Variants in KCTD7 observed in about 807,000 individuals in gnomAD.
KCTD7 encodes BTB/POZ domain-containing protein KCTD7.
Under a neutral mutation model 27.0 loss-of-function variants are expected in KCTD7, and 15 were observed. That is an observed-to-expected ratio of 0.56 (90% CI 0.37 to 0.86). The LOEUF (loss-of-function observed/expected upper bound fraction) is 0.86, where lower values mean the gene tolerates loss of function less well. Among genes scored for constraint, KCTD7 ranks in the 40% least tolerant of loss-of-function variants. The pLI is 0.00. For missense variants in KCTD7, 299 were observed against 398.9 expected, an observed-to-expected ratio of 0.75 and a Z score of 2.13; for synonymous variants, 159 against 162.7, an observed-to-expected ratio of 0.98 and a Z score of 0.17.
chr7:66,642,572 C>T lies in KCTD7; in HGVS notation c.*3340C>T. The T allele has an allele frequency of 1.0e-6, 1 of 985,402 alleles. No individual in the cohort carries two copies. Among genetic ancestry groups the T allele is most frequent in the Non-Finnish European group, 1.2e-6 (1 of 829,924 alleles). 61.0% of individuals were successfully genotyped at this position (985,402 alleles called of 1,614,324 possible). On this transcript the variant is annotated 3_prime_UTR_variant, in exon 4 of 4. Coordinates refer to ENST00000639828, the MANE Select transcript of KCTD7 (RefSeq NM_153033.5). ...ACTACTGATGCTGAGCGTTTTGATC[C>T]TAGTAATATTTCAAATATTGTCCTT...
intron 1 of KCTD7, among the ~76,000 whole-genome samples, chr7:66,631,674 G>A (rs1231504883): frequency 6.6e-6 from 1 of 151,156 alleles, no homozygotes. Flanking sequence ...TTCAAATGCA[G>A]TTTGGTAGAA....
chr7:66,634,479 C>T (rs1239074658), intron 2 of KCTD7, among the ~76,000 whole-genome samples: 6 of 152,038 alleles, frequency 3.9e-5, no homozygotes. Flanking sequence ...CTCAAGCAGT[C>T]TTCTCCCTTC....
intron 1 of KCTD7, among the ~76,000 whole-genome samples, chr7:66,630,068 T>TA (rs1656631488): frequency 6.6e-6 from 1 of 152,146 alleles, no homozygotes; most frequent in Non-Finnish European, 1.5e-5. Flanking sequence ...TCCCAGCAGT[T>TA]AGAGACTAGT....
chr7:66,639,599 A>C lies in KCTD7; in HGVS notation c.*367A>C. The C allele has an allele frequency of 3.7e-6, 5 of 1,349,482 alleles. No homozygotes were observed. The highest frequency in any genetic ancestry group is 4.8e-6 in the Non-Finnish European group (5 of 1,046,494). 83.6% of individuals were successfully genotyped at this position (1,349,482 alleles called of 1,614,324 possible). The stretch of plus-strand genomic sequence containing the variant: ...ATTTTAGAGCCACGTTACCAAATCG[A>C]TGTAGGCCTAATCACTTCCTCAACC... On this transcript the variant is annotated 3_prime_UTR_variant, in exon 4 of 4. Transcript: ENST00000639828.
Position 66,640,617 on chromosome 7 carries a change from G to A in KCTD7, c.*1385G>A. The A allele has an allele frequency of 7.2e-7, 1 of 1,388,788 alleles. No individual in the cohort carries two copies. The highest frequency in any genetic ancestry group is 2.7e-5 in the East Asian group (1 of 36,714). 86.0% of individuals were successfully genotyped at this position (1,388,788 alleles called of 1,614,324 possible). The stretch of plus-strand genomic sequence containing the variant: ...GTAAAGGGAGATTTTTTTTTTTAAT[G>A]TGTAAAGAATTGATGCGAGCCAGGA... On this transcript the variant is annotated 3_prime_UTR_variant, in exon 4 of 4. Coordinates refer to ENST00000639828, the MANE Select transcript of KCTD7 (RefSeq NM_153033.5).
At chr7:66,636,085 T>TGA (rs1214867209) in intron 2 of KCTD7, among the ~76,000 whole-genome samples, 1 of 152,262 alleles carries the variant, frequency 6.6e-6, no homozygotes, top group African/African-American at 2.4e-5. Flanking sequence ...CTGTGACCTA[T>TGA]GATTCATCAG....
intron 2 of KCTD7, among the ~76,000 whole-genome samples, chr7:66,636,365 T>G (rs1212671396): frequency 1.3e-5 from 2 of 151,944 alleles, no homozygotes. Flanking sequence ...GCAAGCATGT[T>G]CCTGAACCTG....
In KCTD7 at chr7:66,634,104, G is replaced by C. The variant is rs1446045443; in HGVS notation, c.314+660G>C. On this transcript the variant is annotated intron_variant, in intron 2 of 3. Transcript: ENST00000639828. ...CATATATATATATGTATATATGGGT[G>C]TGTGTATACATATATATATATATAT... 5.4e-5 allele frequency among the ~76,000 whole-genome samples: 6 copies of C among 111,768 alleles called. No homozygotes were observed. In the Admixed American group the frequency reaches 6.5e-4, roughly 12 times the overall value. 73.3% of individuals were successfully genotyped at this position (111,768 alleles called of 152,430 possible).
At chr7:66,638,653 C>A in intron 3 of KCTD7, 1 of 780,322 alleles carries the variant, frequency 1.3e-6, no homozygotes, top group Non-Finnish European at 2.0e-6. Flanking sequence ...GGACAGCCCT[C>A]GTCCCATTGG....
intron 2 of KCTD7, among the ~76,000 whole-genome samples, chr7:66,634,100 G>A (rs1786518375): frequency 8.2e-6 from 1 of 122,228 alleles, no homozygotes; most frequent in South Asian, 2.5e-4. Context: ...ATGTATATAT[G>A]GGTGTGTGTA....
intron 1 of KCTD7, among the ~76,000 whole-genome samples, chr7:66,631,053 C>G (rs1197909108): frequency 6.6e-6 from 1 of 152,202 alleles, no homozygotes; most frequent in Non-Finnish European, 1.5e-5. Flanking sequence ...AAGGCATTTT[C>G]ATGTCCTGTG....
rs2116776823 is a variant in KCTD7 at position 66,639,707 on chromosome 7, A to G, written c.*475A>G. On this transcript the variant is annotated 3_prime_UTR_variant, in exon 4 of 4. Coordinates refer to ENST00000639828, the MANE Select transcript of KCTD7 (RefSeq NM_153033.5). ...GGGGATTTACCTGACCAGCCACCCC[A>G]TAGCCCCTGGCTGAAGAAGAAAGAG... 1 of 1,251,726 alleles carries G rather than the reference A, an allele frequency of 8.0e-7. No homozygotes were observed. 77.5% of individuals were successfully genotyped at this position (1,251,726 alleles called of 1,614,324 possible).
chr7:66,639,388 T>A lies in KCTD7; in HGVS notation c.*156T>A, dbSNP rs1439295758. On this transcript the variant is annotated 3_prime_UTR_variant, in exon 4 of 4. Transcript: ENST00000639828. The stretch of plus-strand genomic sequence containing the variant: ...AGCTCCCAGGGGACAGAGGTGTAGC[T>A]CCAATCTCCCTGACTGCACCTCAGG... 6.6e-7 allele frequency: 1 copy of A among 1,522,594 alleles called. No individual in the cohort carries two copies. Among genetic ancestry groups the A allele is most frequent in the Non-Finnish European group, 8.8e-7 (1 of 1,138,862 alleles). The allele number at this position is 1,522,594 out of a possible 1,614,324, so 94.3% of individuals were successfully genotyped here.
At chr7:66,636,728 G>A (rs1786595606) in intron 2 of KCTD7, among the ~76,000 whole-genome samples, 1 of 152,122 alleles carries the variant, frequency 6.6e-6, no homozygotes, top group Admixed American at 6.5e-5. Flanking sequence ...AGCTATGATT[G>A]CACCACTGCC....
chr7:66,633,806 G>A lies in KCTD7; in HGVS notation c.314+362G>A, dbSNP rs550967522. 1.6e-3 allele frequency among the ~76,000 whole-genome samples: 241 copies of A among 151,730 alleles called. 2 individuals are homozygous for A. Among genetic ancestry groups the A allele is most frequent in the Non-Finnish European group, 1.6e-3 (109 of 67,962 alleles). ...GTTCCAGACCAGCTCATTACAGCATGGTGAAACCCCATCTCTACTAAAAAT... is the reference window on the plus strand; with the variant it reads ...GTTCCAGACCAGCTCATTACAGCATAGTGAAACCCCATCTCTACTAAAAAT... On this transcript the variant is annotated intron_variant, in intron 2 of 3. Coordinates refer to ENST00000639828, the MANE Select transcript of KCTD7 (RefSeq NM_153033.5).
At chr7:66,629,243 G>A in intron 1 of KCTD7, 35 bp downstream of exon 1, 1 of 1,290,704 alleles carries the variant, frequency 7.7e-7, no homozygotes, top group Non-Finnish European at 9.8e-7. Context: ...GGGGCGTGGG[G>A]AGGGGCGCGG....
rs1786680311 is a variant in KCTD7, at chr7:66,640,096, C to T, written c.*864C>T. On this transcript the variant is annotated 3_prime_UTR_variant, in exon 4 of 4. Coordinates refer to ENST00000639828, the MANE Select transcript of KCTD7 (RefSeq NM_153033.5). ...CCTTTTTAGAGGCTCAGAACACCTC[C>T]TTGGCTGCTATCTCATGTGTTAGAA... is the stretch of plus-strand genomic sequence containing the variant. The T allele has an allele frequency of 7.6e-7, 1 of 1,318,928 alleles. No homozygotes were observed. The highest frequency in any genetic ancestry group is 9.6e-7 in the Non-Finnish European group (1 of 1,040,480). The allele number at this position is 1,318,928 out of a possible 1,614,324, so 81.7% of individuals were successfully genotyped here.
chr7:66,632,314 T>TC (rs1786468448), intron 1 of KCTD7, among the ~76,000 whole-genome samples: 2 of 150,486 alleles, frequency 1.3e-5, no homozygotes, highest in East Asian at 2.0e-4. Context: ...GGTGAAACCC[T>TC]ATCTCTACTA....
In KCTD7 at chr7:66,642,630, A is replaced by G; in HGVS notation, c.*3398A>G. On this transcript the variant is annotated 3_prime_UTR_variant, in exon 4 of 4. Transcript: ENST00000639828. ...TGTTCTATCCATATTTGATTCCAAT[A>G]TACATTATTAAGCTTTCTTGGGTAC... 2.0e-6 allele frequency: 2 copies of G among 985,364 alleles called. No individual in the cohort carries two copies. The highest frequency in any genetic ancestry group is 2.4e-6 in the Non-Finnish European group (2 of 829,916). The allele number at this position is 985,364 out of a possible 1,614,324, so 61.0% of individuals were successfully genotyped here.
Sources: allele counts gnomAD v4.1 joint callset (sites outside exome capture counted in the v4.1 genomes callset), GRCh38; gene constraint gnomAD v4.1.1; transcripts MANE v1.5; gene names NCBI Gene and HGNC (gene_info 2026-07-23, HGNC 2026-07-21).